The following ASAP2 variants were observed in gnomAD, a reference collection of about 807,000 sequenced individuals.
ASAP2 encodes the protein ArfGAP with SH3 domain, ankyrin repeat and PH domain 2, also known as arf-GAP with SH3 domain, ANK repeat and PH domain-containing protein 2.
In ASAP2, 45 loss-of-function variants were observed where a neutral mutation model predicts 131.4. The observed-to-expected ratio is 0.34, with a 90% CI of 0.27 to 0.44. ASAP2 has a LOEUF of 0.44. ASAP2 is among the 20% of genes least tolerant of loss of function. ASAP2 has a pLI of 1.00. For missense variants in ASAP2, 1,011 were observed against 1,297.0 expected, an observed-to-expected ratio of 0.78 and a Z score of 3.39; for synonymous variants, 510 against 503.0, an observed-to-expected ratio of 1.01 and a Z score of -0.19.
intron 7 of ASAP2, among the ~76,000 whole-genome samples, chr2:9,333,603 G>A (rs959717474): frequency 2.0e-5 from 3 of 152,208 alleles, no homozygotes; most frequent in African/African-American, 4.8e-5. Context: ...GGAGAACTTG[G>A]TGGTCATGGA....
chr2:9,330,492 A>G (rs896375730), intron 7 of ASAP2, among the ~76,000 whole-genome samples: 2 of 152,156 alleles, frequency 1.3e-5, no homozygotes, highest in Non-Finnish European at 2.9e-5. Flanking sequence ...TGGATACCCT[A>G]AAAGCCCTAA....
At chr2:9,235,327 T>C (rs1483092020) in intron 1 of ASAP2, among the ~76,000 whole-genome samples, 4 of 151,658 alleles carry the variant, frequency 2.6e-5, no homozygotes, top group Admixed American at 6.6e-5. Context: ...TTGTTTTCTT[T>C]TTAAGAGGTA....
At chr2:9,348,918 C>T (rs1672154708) in intron 11 of ASAP2, among the ~76,000 whole-genome samples, 1 of 152,152 alleles carries the variant, frequency 6.6e-6, no homozygotes, top group Non-Finnish European at 1.5e-5. Flanking sequence ...ATACCCACGT[C>T]GAGGACAGGG....
intron 9 of ASAP2, among the ~76,000 whole-genome samples, chr2:9,342,605 T>C (rs1245525768): frequency 6.6e-6 from 1 of 152,252 alleles, no homozygotes; most frequent in African/African-American, 2.4e-5. Flanking sequence ...GGCAATAGTT[T>C]CTTAGATAGC....
intron 2 of ASAP2, among the ~76,000 whole-genome samples, chr2:9,286,267 G>T (rs934255109): frequency 2.0e-5 from 3 of 152,046 alleles, no homozygotes; most frequent in Non-Finnish European, 4.4e-5. Flanking sequence ...GCATGATGGT[G>T]TATGCCTGTA....
At chr2:9,344,321 A>T (rs1671803012) in intron 9 of ASAP2, among the ~76,000 whole-genome samples, 1 of 152,178 alleles carries the variant, frequency 6.6e-6, no homozygotes, top group African/African-American at 2.4e-5. Flanking sequence ...TGGTTTCCTG[A>T]CATTTCCTTC....
At chr2:9,280,699 G>T (rs1558292935) in intron 2 of ASAP2, among the ~76,000 whole-genome samples, 1 of 152,214 alleles carries the variant, frequency 6.6e-6, no homozygotes, top group Non-Finnish European at 1.5e-5. Context: ...CAGAATTACA[G>T]CAGCGGAAAT....
intron 1 of ASAP2, among the ~76,000 whole-genome samples, chr2:9,267,021 G>A (rs929364731): frequency 4.6e-5 from 7 of 151,986 alleles, no homozygotes; most frequent in Non-Finnish European, 8.8e-5. Context: ...ACATTTTCTG[G>A]TTCTTTCGCC....
intron 1 of ASAP2, among the ~76,000 whole-genome samples, chr2:9,239,630 G>A (rs796468685): frequency 6.6e-6 from 1 of 152,158 alleles, no homozygotes; most frequent in African/African-American, 2.4e-5. Flanking sequence ...AATATTAACC[G>A]AGCACCATTT....
At chr2:9,322,367 G>A (rs553031372) in intron 5 of ASAP2, among the ~76,000 whole-genome samples, 1 of 152,282 alleles carries the variant, frequency 6.6e-6, no homozygotes, top group East Asian at 1.9e-4. Context: ...GGGTCTTCTG[G>A]TGTCTACTTC....
chr2:9,209,251 AT>A (rs1297953470), intron 1 of ASAP2, among the ~76,000 whole-genome samples: 3 of 152,204 alleles, frequency 2.0e-5, no homozygotes, highest in African/African-American at 7.2e-5. Flanking sequence ...TGCTATGATG[AT>A]GGTATGTGTG....
intron 2 of ASAP2, among the ~76,000 whole-genome samples, chr2:9,286,903 G>A (rs914225243): frequency 2.6e-5 from 4 of 152,208 alleles, no homozygotes; most frequent in East Asian, 1.9e-4. Context: ...ATTCACAAAC[G>A]AGGGTAGAAG....
At chr2:9,254,254 T>TATACACACACAC (rs1553297027) in intron 1 of ASAP2, among the ~76,000 whole-genome samples, 2 of 65,766 alleles carry the variant, frequency 3.0e-5, no homozygotes, top group Non-Finnish European at 5.7e-5. Context: ...TATATATATA[T>TATACACACACAC]ACACGTGTGT....
chr2:9,298,616 A>G (rs918509247), intron 3 of ASAP2, among the ~76,000 whole-genome samples: 5 of 152,310 alleles, frequency 3.3e-5, no homozygotes, highest in South Asian at 2.1e-4. Context: ...TGCCCTGGAC[A>G]CTGGCAGGCA....
intron 1 of ASAP2, among the ~76,000 whole-genome samples, chr2:9,242,141 G>A (rs926960582): frequency 4.6e-5 from 7 of 152,196 alleles, no homozygotes; most frequent in African/African-American, 1.7e-4. Flanking sequence ...TGTGCTCTGT[G>A]CTGGAATGAA....
rs1448976520 is a variant in ASAP2 at position 9,281,945 on chromosome 2, C to A, written c.199+2556C>A. ...CCTCCCCACCTGGACTCCTCTGTGCCCTTCTTTGAAATAACTTGCAGTTTT... is the reference window on the plus strand; with the variant it reads ...CCTCCCCACCTGGACTCCTCTGTGCACTTCTTTGAAATAACTTGCAGTTTT... On this transcript the variant is annotated intron_variant, in intron 2 of 27. Coordinates refer to ENST00000281419, the MANE Select transcript of ASAP2 (RefSeq NM_003887.3). This position sits in a 1 kb window ranked among gnomAD's most constrained non-coding sequence, Gnocchi z 4.0. 6.6e-6 allele frequency among the ~76,000 whole-genome samples: 1 copy of A among 152,136 alleles called. No homozygotes were observed. Among genetic ancestry groups the A allele is most frequent in the Admixed American group, 6.5e-5 (1 of 15,282 alleles).
chr2:9,362,943 G>T (rs1210213069), intron 15 of ASAP2, among the ~76,000 whole-genome samples: 2 of 152,108 alleles, frequency 1.3e-5, no homozygotes, highest in Non-Finnish European at 2.9e-5. Flanking sequence ...AATTTTGCAT[G>T]CTTTGACCAA....
intron 3 of ASAP2, among the ~76,000 whole-genome samples, chr2:9,301,146 C>G (rs1278925762): frequency 6.6e-6 from 1 of 152,202 alleles, no homozygotes; most frequent in Admixed American, 6.5e-5. Flanking sequence ...CTTTTGCTTT[C>G]CCTCGGGCAT....
At chr2:9,243,831 G>T (rs1198547875) in intron 1 of ASAP2, among the ~76,000 whole-genome samples, 1 of 152,176 alleles carries the variant, frequency 6.6e-6, no homozygotes, top group Non-Finnish European at 1.5e-5. Context: ...CAGTTTAGTT[G>T]TGAGGGACCG....
Sources: allele counts gnomAD v4.1 joint callset (sites outside exome capture counted in the v4.1 genomes callset), GRCh38; gene constraint gnomAD v4.1.1; non-coding constraint Gnocchi (gnomAD v3.1); transcripts MANE v1.5; gene names NCBI Gene and HGNC (gene_info 2026-07-23, HGNC 2026-07-21).